ARHGEF26: variants seen among roughly 807,000 people sequenced by gnomAD.
ARHGEF26 encodes Rho guanine nucleotide exchange factor (GEF) 26.
Under a neutral mutation model 89.4 loss-of-function variants are expected in ARHGEF26, and 59 were observed. The observed-to-expected ratio is 0.66, with a 90% CI of 0.54 to 0.82. ARHGEF26 has a LOEUF of 0.82. Among genes scored for constraint, ARHGEF26 ranks in the 40% least tolerant of loss-of-function variants. ARHGEF26 has a pLI of 0.00. For missense variants in ARHGEF26, 1,234 were observed against 1,085.6 expected, an observed-to-expected ratio of 1.14 and a Z score of -1.92; for synonymous variants, 500 against 428.4, an observed-to-expected ratio of 1.17 and a Z score of -2.06.
intron 4 of ARHGEF26, among the ~76,000 whole-genome samples, chr3:154,131,499 C>T (rs552774794): frequency 6.6e-6 from 1 of 152,290 alleles, no homozygotes; most frequent in South Asian, 2.1e-4. Context: ...ATCTAATGAT[C>T]TCATGATATG....
intron 6 of ARHGEF26, among the ~76,000 whole-genome samples, chr3:154,177,894 T>C (rs1206136265): frequency 6.6e-6 from 1 of 152,194 alleles, no homozygotes; most frequent in African/African-American, 2.4e-5. Flanking sequence ...TTTCTCTAGC[T>C]GCTGCACTTA....
rs562235119 is a variant in ARHGEF26, at chr3:154,234,923, G to A, written c.2091-5447G>A. Among the ~76,000 whole-genome samples the A allele has an allele frequency of 1.2e-4, 18 of 152,084 alleles. 2 individuals are homozygous for A. The highest frequency in any genetic ancestry group is 2.7e-4 in the African/African-American group (11 of 41,492). On this transcript the variant is annotated intron_variant, in intron 11 of 14. Coordinates refer to ENST00000465093, the MANE Select transcript of ARHGEF26 (RefSeq NM_015595.4). The stretch of plus-strand genomic sequence containing the variant: ...TGGGACTACAGGCGCTCACCACCGC[G>A]CCCGGCTAATTTTTTGTATTTTTAG...
intron 6 of ARHGEF26, among the ~76,000 whole-genome samples, chr3:154,160,954 G>A (rs2108116950): frequency 6.6e-6 from 1 of 152,196 alleles, no homozygotes; most frequent in South Asian, 2.1e-4. Flanking sequence ...CTTTACCCCA[G>A]CAGCAGGGCA....
intron 12 of ARHGEF26, among the ~76,000 whole-genome samples, chr3:154,243,272 G>T (rs917111189): frequency 6.6e-6 from 1 of 152,208 alleles, no homozygotes; most frequent in Admixed American, 6.5e-5. Context: ...TCCCCGTATA[G>T]TTAGTAATGG....
At chr3:154,210,943 C>T (rs1326907015) in intron 9 of ARHGEF26, among the ~76,000 whole-genome samples, 1 of 149,422 alleles carries the variant, frequency 6.7e-6, no homozygotes, top group South Asian at 2.1e-4. Context: ...TCTGTCCCCC[C>T]ACCAAAAAAA....
At chr3:154,254,931 G>A (rs1212339062) in intron 14 of ARHGEF26, 107 bp downstream of exon 14, 3 of 915,952 alleles carry the variant, frequency 3.3e-6, no homozygotes, top group South Asian at 3.0e-5. Context: ...ATCTTGACAT[G>A]TTAATGTTTG....
At chr3:154,230,103 A>G (rs1165418092) in intron 11 of ARHGEF26, among the ~76,000 whole-genome samples, 3 of 152,202 alleles carry the variant, frequency 2.0e-5, no homozygotes, top group South Asian at 4.1e-4. Context: ...AGTCCCTTCT[A>G]TCTGGCTTAG....
At chr3:154,136,279 G>GTATTTTAATTTTAATTAAAATATTTTAAA in intron 4 of ARHGEF26, among the ~76,000 whole-genome samples, 1 of 113,102 alleles carries the variant, frequency 8.8e-6, no homozygotes, top group South Asian at 2.9e-4. Flanking sequence ...AGTATTTTAA[G>GTATTTTAATTTTAATTAAAATATTTTAAA]TAAAGTATTT....
chr3:154,224,920 A>G (rs1199533945), intron 10 of ARHGEF26, among the ~76,000 whole-genome samples: 4 of 152,020 alleles, frequency 2.6e-5, no homozygotes, highest in Non-Finnish European at 4.4e-5. Context: ...GCTATTTTTA[A>G]TCATTATTTC....
intron 9 of ARHGEF26, among the ~76,000 whole-genome samples, chr3:154,204,501 A>G (rs995415468): frequency 1.3e-5 from 2 of 150,692 alleles, no homozygotes; most frequent in African/African-American, 4.9e-5. Context: ...TAATTTTTGT[A>G]TTACTTTTTA....
chr3:154,169,041 A>G (rs1157573422), intron 6 of ARHGEF26, among the ~76,000 whole-genome samples: 3 of 152,100 alleles, frequency 2.0e-5, no homozygotes, highest in Admixed American at 1.3e-4. Context: ...TGAAATTGCT[A>G]TTATTTAACC....
intron 11 of ARHGEF26, among the ~76,000 whole-genome samples, chr3:154,233,256 C>G (rs1037792035): frequency 3.9e-5 from 6 of 152,000 alleles, no homozygotes; most frequent in African/African-American, 1.5e-4. Flanking sequence ...ATTCTAAAAC[C>G]AAATTGAAAT....
intron 8 of ARHGEF26, among the ~76,000 whole-genome samples, chr3:154,192,701 G>A (rs1030888942): frequency 5.3e-5 from 8 of 152,094 alleles, no homozygotes; most frequent in Non-Finnish European, 1.0e-4. Context: ...GTCCATATAA[G>A]GAAGTATTAT....
At chr3:154,126,401 C>T (rs56396036) in intron 3 of ARHGEF26, among the ~76,000 whole-genome samples, 293 of 152,242 alleles carry the variant, frequency 1.9e-3, no homozygotes, top group Non-Finnish European at 2.9e-3. Flanking sequence ...CTAGGAAACA[C>T]CCTTAACACC....
intron 6 of ARHGEF26, among the ~76,000 whole-genome samples, chr3:154,161,592 C>G (rs1711667668): frequency 6.6e-6 from 1 of 152,132 alleles, no homozygotes; most frequent in Non-Finnish European, 1.5e-5. Context: ...ATGCCTCTGC[C>G]AGCATTGGTC....
At chr3:154,211,335 T>A (rs1160715908) in intron 9 of ARHGEF26, among the ~76,000 whole-genome samples, 1 of 152,134 alleles carries the variant, frequency 6.6e-6, no homozygotes, top group Non-Finnish European at 1.5e-5. Flanking sequence ...GATAAGTGAT[T>A]CCCTTCTGAC....
chr3:154,159,948 T>G (rs1711559261), intron 6 of ARHGEF26, among the ~76,000 whole-genome samples: 1 of 152,184 alleles, frequency 6.6e-6, no homozygotes, highest in Non-Finnish European at 1.5e-5. Context: ...GCTATTTTTG[T>G]TAGCAAATGT....
chr3:154,220,245 C>T (rs1000598614), intron 10 of ARHGEF26, among the ~76,000 whole-genome samples: 4 of 152,164 alleles, frequency 2.6e-5, no homozygotes, highest in Admixed American at 2.0e-4. Flanking sequence ...ATTTACTGAG[C>T]ATCTTCCATG....
intron 3 of ARHGEF26, among the ~76,000 whole-genome samples, chr3:154,126,426 C>A (rs1043036304): frequency 2.0e-5 from 3 of 152,164 alleles, no homozygotes; most frequent in African/African-American, 7.2e-5. Flanking sequence ...TCTCTCTGCC[C>A]CCATATCCGG....
Sources: allele counts gnomAD v4.1 joint callset (sites outside exome capture counted in the v4.1 genomes callset), GRCh38; gene constraint gnomAD v4.1.1; transcripts MANE v1.5; gene names NCBI Gene and HGNC (gene_info 2026-07-23, HGNC 2026-07-21).